ANK1: variants seen among roughly 807,000 people sequenced by gnomAD.
ANK1 encodes ankyrin 1.
In ANK1, 51 loss-of-function variants were observed where a neutral mutation model predicts 210.4. The observed-to-expected ratio is 0.24, with a 90% CI of 0.19 to 0.31. The LOEUF is 0.31. ANK1 is among the 10% of genes least tolerant of loss of function. The pLI, the probability that ANK1 is intolerant of heterozygous loss-of-function variation, is 1.00. For missense variants in ANK1, 2,051 were observed against 2,504.4 expected (o/e 0.82, Z 3.86); for synonymous variants, 967 against 1,025.9 (o/e 0.94, Z 1.10).
chr8:41,698,144 C>T, intron 23 of ANK1, 23 bp from the exon 24 acceptor site: 2 of 1,612,480 alleles, frequency 1.2e-6, no homozygotes, highest in African/African-American at 2.7e-5. Flanking sequence ...AACACCAGAA[C>T]ATCACAGGGC....
At chr8:41,813,752 T>A (rs143958692) in intron 1 of ANK1, among the ~76,000 whole-genome samples, 1 of 152,322 alleles carries the variant, frequency 6.6e-6, no homozygotes, top group African/African-American at 2.4e-5. Context: ...TACCTGTAGA[T>A]TGGGGTGAAT....
intron 1 of ANK1, among the ~76,000 whole-genome samples, chr8:41,772,106 GC>G (rs1229290490): frequency 1.3e-5 from 2 of 152,170 alleles, no homozygotes; most frequent in Non-Finnish European, 2.9e-5. Flanking sequence ...CGAGAGAAGG[GC>G]ATCCTGGCAG....
intron 1 of ANK1, among the ~76,000 whole-genome samples, chr8:41,771,590 T>C (rs1842970365): frequency 6.6e-6 from 1 of 152,226 alleles, no homozygotes; most frequent in Non-Finnish European, 1.5e-5. Flanking sequence ...CACAGGCCAC[T>C]GTTCTAGCCT....
chr8:41,787,206 A>C (rs1846597842), intron 1 of ANK1, among the ~76,000 whole-genome samples: 1 of 152,152 alleles, frequency 6.6e-6, no homozygotes, highest in Non-Finnish European at 1.5e-5. Flanking sequence ...ACAGTGGTGG[A>C]GGGGCTGGAG....
intron 20 of ANK1, among the ~76,000 whole-genome samples, chr8:41,703,398 A>ATG (rs1350275887): frequency 1.0e-3 from 97 of 93,236 alleles, no homozygotes; most frequent in African/African-American, 3.9e-3. Context: ...ATATATATGT[A>ATG]TATGTGTGTG....
chr8:41,693,964 T>C lies in ANK1; in HGVS notation c.3466A>G (p.Thr1156Ala), dbSNP rs1214218766. The C allele has an allele frequency of 6.2e-7, 1 of 1,613,962 alleles. No individual in the cohort carries two copies. Residue 1156 changes from threonine (T) to alanine (A), a missense_variant, in exon 29 of 43, where the codon ACC becomes GCC. Around this residue, in one of 6 missense-constraint regions of ANK1, gnomAD observed 1,413 missense variants for 1,707.4 expected, o/e 0.83. Transcript: ENST00000289734. ...GLRIPLPPSWTDNPRDSGEGD... is the reference protein window; with the variant it reads ...GLRIPLPPSWADNPRDSGEGD... ...TCCCCGCTGTCCCTCGGGTTGTCGG[T>C]CCAGGAAGGAGGTAGTGGGATCCGA...
At position 41,661,569 on chromosome 8, in the gene ANK1, A is replaced by T; in HGVS notation, c.5545-5T>A. The T allele has an allele frequency of 6.2e-7, 1 of 1,613,836 alleles. No individual in the cohort carries two copies. The highest frequency in any genetic ancestry group is 8.5e-7 in the Non-Finnish European group (1 of 1,180,034). On this transcript the variant is annotated splice_polypyrimidine_tract_variant and splice_region_variant and intron_variant, in intron 41 of 42. Coordinates refer to ENST00000289734, the MANE Select transcript of ANK1 (RefSeq NM_000037.4). ...GCCACTCCCTCTCAGCTCCACCTGC[A>T]GACAGCAGCAGAGACAGAAAGCAGG...
chr8:41,807,649 C>A lies in ANK1; in HGVS notation c.127-49512G>T, dbSNP rs140405492. The stretch of plus-strand genomic sequence containing the variant: ...TGAAGAGGACACTGATGAGGCCGGG[C>A]GGTATCACATAAAATCTCTGATCCC... On this transcript the variant is annotated intron_variant, in intron 1 of 42. Coordinates refer to the ANK1 transcript ENST00000265709. 7.0e-4 allele frequency among the ~76,000 whole-genome samples: 106 copies of A among 152,150 alleles called. No homozygotes were observed. The East Asian group carries it at 0.02, about 29-fold the overall frequency.
intron 1 of ANK1, among the ~76,000 whole-genome samples, chr8:41,843,094 C>T (rs1192614328): frequency 3.9e-5 from 6 of 152,186 alleles, no homozygotes; most frequent in Non-Finnish European, 5.9e-5. Context: ...GTGATCCGCC[C>T]GCCTCGGCTT....
At chr8:41,668,223 T>A (rs573147919) in intron 39 of ANK1, 44 bp downstream of exon 39, 1 of 1,613,152 alleles carries the variant, frequency 6.2e-7, no homozygotes, top group African/African-American at 1.3e-5. Context: ...CCCCTTCCGA[T>A]GCTGGGAAGG....
chr8:41,774,389 C>T lies in ANK1; in HGVS notation c.28-16252G>A, dbSNP rs886434361. ...CAGATTTCTAAATGAATCAGATGTT[C>T]GGGGCTAGTTGACTAAATTGTCAAT... On this transcript the variant is annotated intron_variant, in intron 1 of 42. Coordinates refer to ENST00000289734, the MANE Select transcript of ANK1 (RefSeq NM_000037.4). 4.6e-5 allele frequency among the ~76,000 whole-genome samples: 7 copies of T among 152,178 alleles called. No individual in the cohort carries two copies. The East Asian group carries it at 5.8e-4, about 13-fold the overall frequency.
chr8:41,668,798 G>GGT (rs1811361696), intron 38 of ANK1, among the ~76,000 whole-genome samples: 1 of 152,164 alleles, frequency 6.6e-6, no homozygotes, highest in Non-Finnish European at 1.5e-5. Flanking sequence ...AGGTGGAAAG[G>GGT]CCACTGGTCC....
chr8:41,824,854 G>T (rs906044315), intron 1 of ANK1, among the ~76,000 whole-genome samples: 1 of 152,210 alleles, frequency 6.6e-6, no homozygotes, highest in Non-Finnish European at 1.5e-5. Context: ...AAGGCAGGGG[G>T]TGTGGAGGGC....
rs369968960 is a variant in ANK1 at position 41,715,720 on chromosome 8, G to C, written c.1534C>G (p.Arg512Gly). The C allele has an allele frequency of 6.2e-7, 1 of 1,614,140 alleles. No homozygotes were observed. Among genetic ancestry groups the C allele is most frequent in the Non-Finnish European group, 8.5e-7 (1 of 1,180,030 alleles). ...AGHTPLHIAA[R>G]EGHVETVLAL... Reference sequence around the variant, plus strand: ...AGGACTGTTTCCACATGGCCCTCACGGGCTGCAATGTGCAGGGGGGTGTGC... The same window carrying C: ...AGGACTGTTTCCACATGGCCCTCACCGGCTGCAATGTGCAGGGGGGTGTGC... The change falls in exon 14 of 43, where the codon CGT becomes GGT. Residue 512 changes from arginine (R) to glycine (G), a missense_variant. Arg to Gly is a moderately radical substitution (Grantham distance 125). This residue lies in a region of ANK1 where 1,413 missense variants were observed against 1,707.4 expected (regional missense o/e 0.83). Coordinates refer to ENST00000289734, the MANE Select transcript of ANK1 (RefSeq NM_000037.4).
chr8:41,723,383 C>T, intron 8 of ANK1, 152 bp downstream of exon 8: 9 of 1,136,022 alleles, frequency 7.9e-6, no homozygotes, highest in South Asian at 2.5e-5. Context: ...CCTCCCACTG[C>T]ACGCGGCACT....
At chr8:41,733,206 C>T (rs750399893) in intron 3 of ANK1, among the ~76,000 whole-genome samples, 6 of 152,164 alleles carry the variant, frequency 3.9e-5, no homozygotes, top group Non-Finnish European at 7.3e-5. Flanking sequence ...GAGTGAAATA[C>T]GTTACTGTGG....
At chr8:41,728,648 G>A (rs998861825) in intron 3 of ANK1, among the ~76,000 whole-genome samples, 3 of 152,110 alleles carry the variant, frequency 2.0e-5, no homozygotes, top group African/African-American at 2.4e-5. Flanking sequence ...TGAGATGTGC[G>A]GTTGAAGGAG....
chr8:41,766,966 G>A (rs1322273855), intron 1 of ANK1, among the ~76,000 whole-genome samples: 1 of 152,034 alleles, frequency 6.6e-6, no homozygotes, highest in African/African-American at 2.4e-5. Context: ...CGGCCAGGCT[G>A]TCCCCTGGGG....
intron 1 of ANK1, among the ~76,000 whole-genome samples, chr8:41,790,442 C>T (rs1358049767): frequency 1.3e-5 from 2 of 152,148 alleles, no homozygotes; most frequent in African/African-American, 4.8e-5. Context: ...CCACCACACC[C>T]GGCCTGGGAA....
Sources: allele counts gnomAD v4.1 joint callset (sites outside exome capture counted in the v4.1 genomes callset), GRCh38; gene constraint gnomAD v4.1.1; regional missense constraint gnomAD v4.1.1; transcripts MANE v1.5; gene names NCBI Gene and HGNC (gene_info 2026-07-23, HGNC 2026-07-21).